The following KIF15 variants were observed in gnomAD, a reference collection of about 807,000 sequenced individuals.
KIF15 encodes kinesin family member 15.
In KIF15, 140 loss-of-function variants were observed where a neutral mutation model predicts 190.6. The observed-to-expected ratio is 0.73, with a 90% CI of 0.64 to 0.84. The LOEUF is 0.84. KIF15 is among the 40% of genes least tolerant of loss of function. KIF15 has a pLI of 0.00. For missense variants in KIF15, 1,372 were observed against 1,584.4 expected (o/e 0.87, Z 2.28); for synonymous variants, 528 against 551.3 (o/e 0.96, Z 0.59).
At position 44,786,534 on chromosome 3, in the gene KIF15, C is replaced by G; in HGVS notation, c.599C>G (p.Ala200Gly). 1 of 1,612,366 alleles carries G rather than the reference C, an allele frequency of 6.2e-7. No individual in the cohort carries two copies. Among genetic ancestry groups the G allele is most frequent in the Non-Finnish European group, 8.5e-7 (1 of 1,178,918 alleles). ...HIKKGVFVVG[A>G]VEQVVTSAAE... ...AAGAAGGGAGTCTTTGTTGTTGGTGCGGTGGAGCAGGTGGTAACCTCAGCT... is the reference window on the plus strand; with the variant it reads ...AAGAAGGGAGTCTTTGTTGTTGGTGGGGTGGAGCAGGTGGTAACCTCAGCT... The change falls in exon 7 of 35, where the codon GCG becomes GGG. Residue 200 changes from alanine to glycine, a missense_variant. Transcript: ENST00000326047.
Position 44,784,846 on chromosome 3 carries a change from A to T in KIF15, c.363A>T (p.Gly121=). ...GTGTTTTTTTTTTCATTTTTTTAGGACCATCTGAATCTGATAATTTTTCTC... is the reference window on the plus strand; with the variant it reads ...GTGTTTTTTTTTTCATTTTTTTAGGTCCATCTGAATCTGATAATTTTTCTC... ...TGSGKTFTMM[G]PSESDNFSHN... Residue 121 remains glycine, a splice_region_variant and synonymous_variant, in exon 6 of 35, where the codon GGA becomes GGT. Transcript: ENST00000326047. The T allele has an allele frequency of 6.8e-7, 1 of 1,467,780 alleles. No homozygotes were observed. Among genetic ancestry groups the T allele is most frequent in the Non-Finnish European group, 9.3e-7 (1 of 1,071,080 alleles). The allele number at this position is 1,467,780 out of a possible 1,614,324, so 90.9% of individuals were successfully genotyped here.
At chr3:44,852,049 TC>T in intron 33 of KIF15, 97 bp downstream of exon 33, 1 of 1,459,504 alleles carries the variant, frequency 6.9e-7, no homozygotes, top group Non-Finnish European at 9.3e-7. Context: ...TGTCCTTAGT[TC>T]AGAGTTGCTT....
chr3:44,797,774 T>G, intron 9 of KIF15, 60 bp from the exon 10 acceptor site: 2 of 1,604,766 alleles, frequency 1.2e-6, no homozygotes, highest in Non-Finnish European at 1.7e-6. Context: ...TACATTTTCT[T>G]TGCTTAAAAA....
chr3:44,820,902 G>C (rs1402804663), intron 20 of KIF15, among the ~76,000 whole-genome samples: 2 of 152,122 alleles, frequency 1.3e-5, no homozygotes, highest in African/African-American at 4.8e-5. Flanking sequence ...GGGCAGAGGG[G>C]CTCCTCACCT....
chr3:44,803,809 T>C (rs1236212817), intron 14 of KIF15, among the ~76,000 whole-genome samples: 1 of 152,156 alleles, frequency 6.6e-6, no homozygotes, highest in African/African-American at 2.4e-5. Context: ...AGTAACTGGG[T>C]TGGGGAGAGA....
chr3:44,829,078 C>G (rs1419617358), intron 24 of KIF15, among the ~76,000 whole-genome samples: 1 of 151,634 alleles, frequency 6.6e-6, no homozygotes. Context: ...TAAATTGATG[C>G]CAGGCGCAGT....
intron 7 of KIF15, among the ~76,000 whole-genome samples, chr3:44,789,222 C>G (rs1706553634): frequency 6.6e-6 from 1 of 152,002 alleles, no homozygotes; most frequent in African/African-American, 2.4e-5. Flanking sequence ...TAAATTTTTA[C>G]TTCTTAATAC....
chr3:44,840,832 C>T (rs1330676724), intron 28 of KIF15, among the ~76,000 whole-genome samples: 1 of 91,110 alleles, frequency 1.1e-5, no homozygotes, highest in Non-Finnish European at 2.1e-5. Flanking sequence ...CCACGCCTGG[C>T]TAATTTTTTT....
At chr3:44,865,120 C>G in intron 6 of KIF15, 1 of 1,614,176 alleles carries the variant, frequency 6.2e-7, no homozygotes, top group Non-Finnish European at 8.5e-7. Context: ...TCTGCGGACT[C>G]ACCCTAATCC....
intron 8 of KIF15, among the ~76,000 whole-genome samples, chr3:44,796,911 A>G (rs778678084): frequency 7.2e-5 from 11 of 152,142 alleles, no homozygotes; most frequent in Non-Finnish European, 1.5e-4. Context: ...CTATTAATGC[A>G]CTACTCTAGC....
downstream of KIF15, among the ~76,000 whole-genome samples, chr3:44,856,100 G>T (rs1322188962): frequency 1.3e-5 from 2 of 152,186 alleles, no homozygotes; most frequent in African/African-American, 4.8e-5. Flanking sequence ...CTGTATAGAG[G>T]TGGGAAGCCC....
rs776471016 is a variant in KIF15, at chr3:44,864,268, T to C, written c.*60-9061T>C. 5.0e-6 allele frequency: 8 copies of C among 1,614,094 alleles called. No homozygotes were observed. The South Asian group carries it at 8.8e-5, about 18-fold the overall frequency. The stretch of plus-strand genomic sequence containing the variant: ...CCAATTCTCTGATGTGGACCTTCTT[T>C]AGCCGGGGCCTCAGTTTCTCCATGT... On this transcript the variant is annotated intron_variant and NMD_transcript_variant, in intron 6 of 6. Coordinates refer to the KIF15 transcript ENST00000422209.
intron 14 of KIF15, among the ~76,000 whole-genome samples, chr3:44,804,541 C>T (rs1247865745): frequency 6.6e-6 from 1 of 152,256 alleles, no homozygotes; most frequent in South Asian, 2.1e-4. Flanking sequence ...TAGCATTAGG[C>T]GTGCCACACT....
chr3:44,829,644 T>C (rs1182954441), intron 24 of KIF15, among the ~76,000 whole-genome samples: 1 of 132,186 alleles, frequency 7.6e-6, no homozygotes, highest in Non-Finnish European at 1.5e-5. Flanking sequence ...ATGTATATAT[T>C]ATATATGTAT....
At chr3:44,839,263 T>G (rs1698474603) in intron 27 of KIF15, among the ~76,000 whole-genome samples, 2 of 151,790 alleles carry the variant, frequency 1.3e-5, no homozygotes, top group Non-Finnish European at 2.9e-5. Context: ...TCCCAGCTAC[T>G]CGGGAAGGCT....
chr3:44,780,832 G>T (rs974953785), intron 4 of KIF15, 53 bp from the exon 5 acceptor site: 5 of 1,165,560 alleles, frequency 4.3e-6, no homozygotes, highest in African/African-American at 3.1e-5. Context: ...ATAATAGGAG[G>T]AGTAGTCTTT....
At chr3:44,784,819 C>A in intron 5 of KIF15, 26 bp from the exon 6 acceptor site, 1 of 1,149,282 alleles carries the variant, frequency 8.7e-7, no homozygotes, top group Non-Finnish European at 1.2e-6. Context: ...AATAAAAATC[C>A]AGTGTTTTTT....
At chr3:44,827,076 T>C (rs1294255108) in intron 22 of KIF15, 1 of 456,540 alleles carries the variant, frequency 2.2e-6, no homozygotes, top group Admixed American at 2.4e-5. Flanking sequence ...TATTCAAACA[T>C]TTATTGATAT....
At chr3:44,823,688 G>A (rs1236519236) in intron 20 of KIF15, among the ~76,000 whole-genome samples, 6 of 152,184 alleles carry the variant, frequency 3.9e-5, no homozygotes, top group African/African-American at 1.2e-4. Flanking sequence ...CTTCCAGGCC[G>A]CTTTGTTTAC....
Sources: gnomAD v4.1 joint callset for allele counts (sites outside exome capture counted in the v4.1 genomes callset) on GRCh38, gnomAD v4.1.1 for gene constraint, MANE v1.5 for transcripts, NCBI Gene and HGNC (gene_info 2026-07-23, HGNC 2026-07-21) for gene names.